Variants in TENM3 observed in about 807,000 individuals in gnomAD.
TENM3 encodes teneurin-3.
Under a neutral mutation model 255.1 loss-of-function variants are expected in TENM3, and 63 were observed. That is an observed-to-expected ratio of 0.25 (90% CI 0.20 to 0.30). TENM3 has a LOEUF of 0.30. Among genes scored for constraint, TENM3 ranks in the 10% least tolerant of loss-of-function variants. TENM3 has a pLI of 1.00. For missense variants in TENM3, 2,929 were observed against 3,461.1 expected (o/e 0.85, Z 3.86); for synonymous variants, 1,306 against 1,322.3 (o/e 0.99, Z 0.27).
chr4:182,462,611 T>C (rs1304854371), intron 3 of TENM3, among the ~76,000 whole-genome samples: 1 of 151,948 alleles, frequency 6.6e-6, no homozygotes, highest in African/African-American at 2.4e-5. Context: ...AAACTGTTTT[T>C]GTCAGATTGG....
At chr4:182,406,837 G>A (rs1204505136) in intron 3 of TENM3, among the ~76,000 whole-genome samples, 2 of 152,160 alleles carry the variant, frequency 1.3e-5, no homozygotes, top group Admixed American at 6.5e-5. Flanking sequence ...AACAAAAATA[G>A]GCTGAAATGT....
At chr4:181,762,520 A>G in the TENM3 span, among the ~76,000 whole-genome samples, 2 of 152,096 alleles carry the variant, frequency 1.3e-5, no homozygotes, top group African/African-American at 4.8e-5. Flanking sequence ...GATTTGGGAT[A>G]TTATTTTGCT....
chr4:182,564,026 A>G (rs987269368), intron 3 of TENM3, among the ~76,000 whole-genome samples: 1 of 152,138 alleles, frequency 6.6e-6, no homozygotes, highest in South Asian at 2.1e-4. Flanking sequence ...TGATTTTACT[A>G]AAACATTGCT....
intron 3 of TENM3, among the ~76,000 whole-genome samples, chr4:182,475,996 G>C (rs1733655132): frequency 6.6e-6 from 1 of 152,186 alleles, no homozygotes; most frequent in Admixed American, 6.5e-5. Context: ...TGGGACAGTA[G>C]TATTTTGTGT....
intron 18 of TENM3, among the ~76,000 whole-genome samples, chr4:182,742,239 A>G (rs996625246): frequency 6.6e-6 from 1 of 152,208 alleles, no homozygotes; most frequent in Admixed American, 6.5e-5. Context: ...CTCAAATCTA[A>G]TTTCTAACCA....
At chr4:181,635,973 A>G in the TENM3 span, among the ~76,000 whole-genome samples, 1 of 152,210 alleles carries the variant, frequency 6.6e-6, no homozygotes, top group Non-Finnish European at 1.5e-5. Flanking sequence ...CATATGCCAT[A>G]TATAAATATA....
intron 3 of TENM3, among the ~76,000 whole-genome samples, chr4:182,511,326 A>G (rs1737370626): frequency 6.6e-6 from 1 of 152,216 alleles, no homozygotes; most frequent in Non-Finnish European, 1.5e-5. Flanking sequence ...TGTGCATATC[A>G]CTATCCTGAA....
the TENM3 span, among the ~76,000 whole-genome samples, chr4:182,009,612 A>C: frequency 1.3e-5 from 2 of 152,220 alleles, no homozygotes; most frequent in East Asian, 3.9e-4. Context: ...GAGCTATAGA[A>C]ATGGGTGCTG....
chr4:181,777,761 T>C, the TENM3 span, among the ~76,000 whole-genome samples: 4 of 152,134 alleles, frequency 2.6e-5, no homozygotes, highest in African/African-American at 9.6e-5. Flanking sequence ...ATGTCACACT[T>C]ATGTCTATAA....
At chr4:182,615,887 T>C (rs185964051) in intron 4 of TENM3, among the ~76,000 whole-genome samples, 3 of 152,330 alleles carry the variant, frequency 2.0e-5, no homozygotes, top group South Asian at 2.1e-4. Flanking sequence ...GAGTCTTGAA[T>C]TGATTTTCTG....
At chr4:182,379,281 C>T (rs990370311) in intron 3 of TENM3, among the ~76,000 whole-genome samples, 7 of 107,170 alleles carry the variant, frequency 6.5e-5, no homozygotes, top group Non-Finnish European at 1.1e-4. Context: ...CACTTGAACC[C>T]GGGGAGTGGA....
chr4:182,249,450 G>A (rs550114943), intron 1 of TENM3, among the ~76,000 whole-genome samples: 26 of 152,244 alleles, frequency 1.7e-4, no homozygotes, highest in Admixed American at 2.6e-4. Context: ...TGCTGTTTTC[G>A]TACTAGAAGG....
chr4:181,624,351 T>G, the TENM3 span, among the ~76,000 whole-genome samples: 3 of 152,296 alleles, frequency 2.0e-5, no homozygotes, highest in East Asian at 5.8e-4. Context: ...CCAACTCAAA[T>G]TTCAATGGCC....
chr4:182,705,914 G>A (rs1346213068), intron 12 of TENM3, among the ~76,000 whole-genome samples: 2 of 152,010 alleles, frequency 1.3e-5, no homozygotes, highest in East Asian at 1.9e-4. Context: ...TCCAAACTTC[G>A]GATTTTTTAG....
intron 3 of TENM3, among the ~76,000 whole-genome samples, chr4:182,389,832 C>T (rs1382208041): frequency 6.6e-6 from 1 of 151,930 alleles, no homozygotes; most frequent in Non-Finnish European, 1.5e-5. Context: ...ACTACAGGCG[C>T]CCGCCACCAC....
the TENM3 span, among the ~76,000 whole-genome samples, chr4:181,957,114 T>A: frequency 1.3e-5 from 2 of 152,208 alleles, no homozygotes; most frequent in Non-Finnish European, 2.9e-5. Context: ...CAGGATTCGA[T>A]GTCAATGCAC....
At chr4:181,835,466 T>A in the TENM3 span, among the ~76,000 whole-genome samples, 1 of 152,152 alleles carries the variant, frequency 6.6e-6, no homozygotes, top group Admixed American at 6.5e-5. Context: ...ATTAGTGTCA[T>A]AATGATCACA....
chr4:182,677,900 A>G (rs1178733461), intron 7 of TENM3, among the ~76,000 whole-genome samples: 3 of 152,192 alleles, frequency 2.0e-5, no homozygotes, highest in Non-Finnish European at 4.4e-5. Flanking sequence ...AGAAATTCCA[A>G]CAACTGATTT....
chr4:182,471,808 T>A (rs1054193825), intron 3 of TENM3, among the ~76,000 whole-genome samples: 6 of 152,322 alleles, frequency 3.9e-5, no homozygotes, highest in African/African-American at 1.4e-4. Context: ...TCATATGTCT[T>A]ATTCACCTGT....
Sources: gnomAD v4.1 joint callset for allele counts (sites outside exome capture counted in the v4.1 genomes callset) on GRCh38, gnomAD v4.1.1 for gene constraint, MANE v1.5 for transcripts, NCBI Gene and HGNC (gene_info 2026-07-23, HGNC 2026-07-21) for gene names.